ZFHX4: variants seen among roughly 807,000 people sequenced by gnomAD.
The protein encoded by ZFHX4 is zinc finger homeobox 4.
ZFHX4 carries 56 observed loss-of-function variants against 267.6 expected under a neutral mutation model. The observed-to-expected ratio is 0.21, with a 90% CI of 0.17 to 0.26. The LOEUF (loss-of-function observed/expected upper bound fraction) is 0.26. ZFHX4 is among the 10% of genes least tolerant of loss of function. The pLI, the probability that ZFHX4 is intolerant of heterozygous loss-of-function variation, is 1.00. For synonymous variants in ZFHX4, 1,778 were observed against 1,665.6 expected, an observed-to-expected ratio of 1.07 and a Z score of -1.64; for missense variants, 4,332 against 4,420.0, an observed-to-expected ratio of 0.98 and a Z score of 0.56.
intron 3 of ZFHX4, among the ~76,000 whole-genome samples, chr8:76,759,403 T>A (rs575460836): frequency 6.6e-6 from 1 of 152,352 alleles, no homozygotes; most frequent in South Asian, 2.1e-4. Context: ...AGGCTGACTC[T>A]CAGCTTTTCA....
chr8:76,836,205 G>T (rs1812089209), intron 5 of ZFHX4, among the ~76,000 whole-genome samples: 1 of 152,162 alleles, frequency 6.6e-6, no homozygotes, highest in Non-Finnish European at 1.5e-5. Flanking sequence ...TGCAATAAAT[G>T]TGATAAAGGA....
chr8:76,833,682 C>T, intron 5 of ZFHX4: 2 of 350,304 alleles, frequency 5.7e-6, no homozygotes, highest in East Asian at 6.9e-5. Flanking sequence ...TATCACTGCC[C>T]TCCCCACCAG....
chr8:76,765,103 G>A (rs536730236), intron 3 of ZFHX4, among the ~76,000 whole-genome samples: 1 of 152,160 alleles, frequency 6.6e-6, no homozygotes, highest in South Asian at 2.1e-4. Flanking sequence ...ATACCATTCC[G>A]GATATAGTTG....
chr8:76,703,163 T>G (rs559052040), intron 1 of ZFHX4, among the ~76,000 whole-genome samples: 19 of 152,236 alleles, frequency 1.2e-4, no homozygotes, highest in African/African-American at 2.9e-4. Context: ...AGGATTTTCA[T>G]TGGGAGTGCT....
chr8:76,839,396 A>AT (rs1338998859), intron 5 of ZFHX4, among the ~76,000 whole-genome samples: 7 of 152,154 alleles, frequency 4.6e-5, no homozygotes, highest in Non-Finnish European at 5.9e-5. Flanking sequence ...TCTTTCTATT[A>AT]TTTTGAAACA....
At position 76,706,478 on chromosome 8, in the gene ZFHX4, T is replaced by G. The variant is rs747602955; in HGVS notation, c.2390T>G (p.Leu797Arg). ...TSEKHMHNMMLLQQNMKQIQH... is the reference protein window; with the variant it reads ...TSEKHMHNMMRLQQNMKQIQH... Reference sequence around the variant, plus strand: ...GAAAAGCACATGCATAATATGATGCTTTTGCAGCAGAACATGAAGCAGATC... The same window carrying G: ...GAAAAGCACATGCATAATATGATGCGTTTGCAGCAGAACATGAAGCAGATC... The change falls in exon 2 of 11, where the codon CTT becomes CGT. Residue 797 changes from leucine to arginine, a missense_variant. By Grantham distance (102) the Leu-to-Arg change is moderately radical. Transcript: ENST00000651372. 6.2e-7 allele frequency: 1 copy of G among 1,614,032 alleles called. No homozygotes were observed. Among genetic ancestry groups the G allele is most frequent in the Non-Finnish European group, 8.5e-7 (1 of 1,179,944 alleles).
chr8:76,796,631 C>T (rs1057080737), intron 4 of ZFHX4, among the ~76,000 whole-genome samples: 3 of 152,162 alleles, frequency 2.0e-5, no homozygotes, highest in African/African-American at 7.2e-5. Context: ...TGGCTGAGTG[C>T]TGCCTGGAAG....
Position 76,705,088 on chromosome 8 carries a change from A to C in ZFHX4, c.1000A>C (p.Ser334Arg). The change falls in exon 2 of 11, where the codon AGC becomes CGC. Residue 334 changes from serine (S) to arginine (R), a missense_variant. By Grantham distance (110) the Ser-to-Arg change is moderately radical. Coordinates refer to ENST00000651372, the MANE Select transcript of ZFHX4 (RefSeq NM_024721.5). Reference sequence around the variant, plus strand: ...TGGCAAAGACAAAGAACCTCTTATAAGCTTTCTGGAACCAAAAAAATCCAC... The same window carrying C: ...TGGCAAAGACAAAGAACCTCTTATACGCTTTCTGGAACCAAAAAAATCCAC... ...GIGKDKEPLI[S>R]FLEPKKSTSV... 1.2e-6 allele frequency: 2 copies of C among 1,613,886 alleles called. No individual in the cohort carries two copies. Among genetic ancestry groups the C allele is most frequent in the Admixed American group, 1.7e-5 (1 of 59,988 alleles).
intron 10 of ZFHX4, among the ~76,000 whole-genome samples, chr8:76,862,548 A>C (rs1035255700): frequency 6.6e-6 from 1 of 152,144 alleles, no homozygotes; most frequent in Non-Finnish European, 1.5e-5. Flanking sequence ...ATTGCTATTT[A>C]ATTAGCTTAT....
At position 76,681,517 on chromosome 8, in the gene ZFHX4, T is replaced by TA. The variant is rs1461882115; in HGVS notation, c.-148dup. ...TTATTTTTTATTTTTTTTGTTTTTT[T>TA]AATGAACCCTCTCGTTTTACTTGGA... On this transcript the variant is annotated 5_prime_UTR_variant, in exon 1 of 11. In the 5' UTR this introduces an upstream ATG that the reference lacks. Coordinates refer to ENST00000651372, the MANE Select transcript of ZFHX4 (RefSeq NM_024721.5). The TA allele has an allele frequency of 7.5e-6, 3 of 398,596 alleles. No individual in the cohort carries two copies. The highest frequency in any genetic ancestry group is 1.3e-5 in the Non-Finnish European group (3 of 226,030). 24.7% of individuals were successfully genotyped at this position (398,596 alleles called of 1,614,324 possible). A position where few individuals can be genotyped will look rare whatever the true frequency, so the allele number is the denominator to read the frequency against.
chr8:76,738,997 G>C (rs1443075451), intron 3 of ZFHX4, among the ~76,000 whole-genome samples: 1 of 152,018 alleles, frequency 6.6e-6, no homozygotes, highest in African/African-American at 2.4e-5. Flanking sequence ...CTACAGCTGT[G>C]AGCCACCATG....
chr8:76,696,929 T>G (rs1421926899), intron 1 of ZFHX4, among the ~76,000 whole-genome samples: 4 of 152,016 alleles, frequency 2.6e-5, no homozygotes, highest in Non-Finnish European at 5.9e-5. Flanking sequence ...GCATATAACT[T>G]TCTTGAGTGA....
chr8:76,791,083 TCAGAAA>T (rs1022891730), intron 4 of ZFHX4, among the ~76,000 whole-genome samples: 62 of 152,290 alleles, frequency 4.1e-4, no homozygotes, highest in African/African-American at 1.2e-3. Context: ...AAAAGACAAG[TCAGAAA>T]CAGACTGAAA....
intron 3 of ZFHX4, among the ~76,000 whole-genome samples, chr8:76,754,107 G>A (rs1043696729): frequency 3.9e-5 from 6 of 152,258 alleles, no homozygotes; most frequent in African/African-American, 1.4e-4. Context: ...CTTGGCATTT[G>A]AGAAATGTGA....
chr8:76,774,444 A>G (rs1415049615), intron 3 of ZFHX4, among the ~76,000 whole-genome samples: 1 of 152,048 alleles, frequency 6.6e-6, no homozygotes, highest in Admixed American at 6.6e-5. Context: ...ATTCAGGTTT[A>G]CTCTAATTTA....
rs1342972567 is a variant in ZFHX4, at chr8:76,867,118, G to A, written c.*2553G>A. On this transcript the variant is annotated 3_prime_UTR_variant, in exon 11 of 11. Transcript: ENST00000651372. Reference sequence around the variant, plus strand: ...TGAAGTCTCAAATGCACCGTATTACGGTAAATAACATGGTTTTGAAAACTT... The same window carrying A: ...TGAAGTCTCAAATGCACCGTATTACAGTAAATAACATGGTTTTGAAAACTT... 2.0e-5 allele frequency: 3 copies of A among 152,480 alleles called. No individual in the cohort carries two copies. Among genetic ancestry groups the A allele is most frequent in the Non-Finnish European group, 2.9e-5 (2 of 67,990 alleles). The allele number at this position is 152,480 out of a possible 1,614,324, so 9.4% of individuals were successfully genotyped here.
At chr8:76,842,529 C>T (rs1812261779) in intron 5 of ZFHX4, 126 bp from the exon 6 acceptor site, 1 of 638,216 alleles carries the variant, frequency 1.6e-6, no homozygotes, top group Non-Finnish European at 2.7e-6. Context: ...TTTGTGTTCT[C>T]ATTTGAGTAT....
intron 1 of ZFHX4, among the ~76,000 whole-genome samples, chr8:76,697,845 C>T (rs1807999254): frequency 1.3e-5 from 2 of 151,894 alleles, no homozygotes; most frequent in South Asian, 4.1e-4. Context: ...TCATTTAACT[C>T]TAATCCTACT....
At chr8:76,780,818 G>A (rs1463102077) in intron 4 of ZFHX4, among the ~76,000 whole-genome samples, 11 of 152,046 alleles carry the variant, frequency 7.2e-5, no homozygotes. Flanking sequence ...GGGAAGCATT[G>A]GATCAATCCT....
Sources: allele counts gnomAD v4.1 joint callset (sites outside exome capture counted in the v4.1 genomes callset), GRCh38; gene constraint gnomAD v4.1.1; transcripts MANE v1.5; gene names NCBI Gene and HGNC (gene_info 2026-07-23, HGNC 2026-07-21).